STIL: variants seen among roughly 807,000 people sequenced by gnomAD.
STIL encodes the protein SCL-interrupting locus protein.
STIL carries 55 observed loss-of-function variants against 110.1 expected under a neutral mutation model. That is an observed-to-expected ratio of 0.50 (90% CI 0.40 to 0.63). The LOEUF is 0.63. Ranked by LOEUF, STIL falls within the 20% of genes least tolerant of loss-of-function variation. The probability of loss-of-function intolerance (pLI) is 0.00; values close to 1 mark genes in which losing one functional copy is unlikely to be tolerated. For missense variants in STIL, 1,358 were observed against 1,530.0 expected, an observed-to-expected ratio of 0.89 and a Z score of 1.87; for synonymous variants, 481 against 530.0, an observed-to-expected ratio of 0.91 and a Z score of 1.27.
At position 47,254,250 on chromosome 1, in the gene STIL, C is replaced by G. The variant is rs74227931; in HGVS notation, c.3081-2328G>C. On this transcript the variant is annotated intron_variant, in intron 16 of 16. Coordinates refer to ENST00000371877, the MANE Select transcript of STIL (RefSeq NM_001048166.1). ...GTGATGCCATCACCAAACAATGGAACAGTGTGCTCACTAATGCTGGTCTTT... is the reference window on the plus strand; with the variant it reads ...GTGATGCCATCACCAAACAATGGAAGAGTGTGCTCACTAATGCTGGTCTTT... Among the ~76,000 whole-genome samples, 774 of 138,630 alleles carry G rather than the reference C, an allele frequency of 5.6e-3. 2 individuals are homozygous for G. The highest frequency in any genetic ancestry group is 0.033 in the East Asian group (151 of 4,584). The allele number at this position is 138,630 out of a possible 152,430, so 90.9% of individuals were successfully genotyped here. A position where few individuals can be genotyped will look rare whatever the true frequency, so the allele number is the denominator to read the frequency against.
chr1:47,289,079 A>AAC lies in STIL; in HGVS notation c.1023+355_1023+356insGT, dbSNP rs1645398218. 3.0e-5 allele frequency among the ~76,000 whole-genome samples: 4 copies of AAC among 132,534 alleles called. No individual in the cohort carries two copies. The South Asian group carries it at 6.9e-4, about 23-fold the overall frequency. The allele number at this position is 132,534 out of a possible 152,430, so 86.9% of individuals were successfully genotyped here. Reference sequence around the variant, plus strand: ...TCCATCTCAAAAAAAAAAAAAAAAAAAAAAAAACATCAGGACAAAGAAAAG... The same window carrying AAC: ...TCCATCTCAAAAAAAAAAAAAAAAAAACAAAAAAACATCAGGACAAAGAAAAG... On this transcript the variant is annotated intron_variant, in intron 9 of 16. Coordinates refer to ENST00000371877, the MANE Select transcript of STIL (RefSeq NM_001048166.1).
At chr1:47,260,199 T>G in intron 16 of STIL, 90 bp downstream of exon 16, 3 of 1,304,896 alleles carry the variant, frequency 2.3e-6, no homozygotes, top group Non-Finnish European at 3.1e-6. Context: ...ATCTAAAATT[T>G]ATTCATCTAG....
Position 47,257,775 on chromosome 1 carries a change from T to C in STIL, c.3080+2514A>G, listed in dbSNP as rs192622917. On this transcript the variant is annotated intron_variant, in intron 16 of 16. Transcript: ENST00000371877. The stretch of plus-strand genomic sequence containing the variant: ...ATTTCATAGCAGGCATAAAAGATAT[T>C]GACTATCTGTGTCTTCCCCACTGAA... 2.9e-3 allele frequency among the ~76,000 whole-genome samples: 436 copies of C among 152,324 alleles called. 2 individuals carry two copies. Among genetic ancestry groups the C allele is most frequent in the African/African-American group, 9.9e-3 (411 of 41,562 alleles).
intron 3 of STIL, among the ~76,000 whole-genome samples, chr1:47,304,631 T>C (rs2149226147): frequency 6.6e-6 from 1 of 152,338 alleles, no homozygotes; most frequent in Non-Finnish European, 1.5e-5. Flanking sequence ...AAAAACACTT[T>C]CAGTTTTTAC....
chr1:47,306,508 C>T (rs1337545225), intron 2 of STIL, among the ~76,000 whole-genome samples: 1 of 152,172 alleles, frequency 6.6e-6, no homozygotes, highest in African/African-American at 2.4e-5. Flanking sequence ...CCCACCTTGG[C>T]CTCCCAAAGC....
chr1:47,280,646 C>A lies in STIL; in HGVS notation c.1812G>T (p.Arg604Ser). ...GAATATGACTATGATGCTGACAACA[C>A]CTGCAAACGTTTGTGGAACAGTAAG... ...LPSYCSTNVC[R>S]CCQHHSHIQY... is the part of the protein sequence containing the mutation. The change falls in exon 12 of 17, where the codon AGG becomes AGT. Residue 604 changes from arginine (R) to serine (S), a missense_variant. Coordinates refer to ENST00000371877, the MANE Select transcript of STIL (RefSeq NM_001048166.1). 6.2e-7 allele frequency: 1 copy of A among 1,614,194 alleles called. No homozygotes were observed. The highest frequency in any genetic ancestry group is 8.5e-7 in the Non-Finnish European group (1 of 1,180,052).
Position 47,300,243 on chromosome 1 carries a change from A to G in STIL, c.454-91T>C, listed in dbSNP as rs1005223909. 6.5e-6 allele frequency: 8 copies of G among 1,229,344 alleles called. No homozygotes were observed. In the African/African-American group the frequency reaches 9.2e-5, roughly 14 times the overall value. The allele number at this position is 1,229,344 out of a possible 1,614,324, so 76.2% of individuals were successfully genotyped here. On this transcript the variant is annotated intron_variant, in intron 5 of 16. Coordinates refer to ENST00000371877, the MANE Select transcript of STIL (RefSeq NM_001048166.1). ...TTTATACTGATACATATACATATAT[A>G]ATATCTTGCACAAATAAAATTAAAT...
At chr1:47,314,721 G>C (rs926881280), upstream of STIL, among the ~76,000 whole-genome samples, 1 of 140,448 alleles carries the variant, frequency 7.1e-6, no homozygotes, top group Non-Finnish European at 1.5e-5. Context: ...ATCTGTTTTA[G>C]TGACATAATT....
rs1334875825 is a variant in STIL at position 47,272,178 on chromosome 1, C to T, written c.2281G>A (p.Asp761Asn). Residue 761 changes from aspartate to asparagine, a missense_variant, in exon 13 of 17, where the codon GAC (aspartate) becomes AAC (asparagine). Coordinates refer to ENST00000371877, the MANE Select transcript of STIL (RefSeq NM_001048166.1). Reference protein sequence around the residue: ...PCSPKTTAVEDTVQAGRQMEL... With the variant: ...PCSPKTTAVENTVQAGRQMEL... Reference sequence around the variant, plus strand: ...ATTTGTCTTCCAGCTTGCACTGTGTCTTCAACAGCAGTTGTCTTAGGGGAA... The same window carrying T: ...ATTTGTCTTCCAGCTTGCACTGTGTTTTCAACAGCAGTTGTCTTAGGGGAA... The T allele has an allele frequency of 1.1e-5, 17 of 1,614,190 alleles. No homozygotes were observed. The highest frequency in any genetic ancestry group is 1.3e-5 in the Non-Finnish European group (15 of 1,180,030).
chr1:47,302,211 G>T, intron 4 of STIL, 23 bp downstream of exon 4: 1 of 1,553,914 alleles, frequency 6.4e-7, no homozygotes, highest in Non-Finnish European at 8.9e-7. Context: ...GTGAGCACTG[G>T]TCCATTTTTA....
At chr1:47,265,784 A>G (rs12754065) in intron 14 of STIL, among the ~76,000 whole-genome samples, 3 of 34,774 alleles carry the variant, frequency 8.6e-5, no homozygotes, top group Non-Finnish European at 1.9e-4. Flanking sequence ...AGACTGTCTC[A>G]AAAAAAAAAA....
rs370858347 is a variant in STIL at position 47,279,035 on chromosome 1, C to T, written c.2217+1206G>A. The stretch of plus-strand genomic sequence containing the variant: ...ATGTATGGCCGGGCGCGGAGGCTCA[C>T]GCCTGTAATCCCAACACTTTGGGAG... On this transcript the variant is annotated intron_variant, in intron 12 of 16. Coordinates refer to ENST00000371877, the MANE Select transcript of STIL (RefSeq NM_001048166.1). Among the ~76,000 whole-genome samples the T allele has an allele frequency of 1.5e-4, 23 of 152,146 alleles. No homozygotes were observed. In the South Asian group the frequency reaches 3.7e-3, roughly 25 times the overall value.
At chr1:47,293,165 A>C (rs918050085) in intron 8 of STIL, among the ~76,000 whole-genome samples, 3 of 152,200 alleles carry the variant, frequency 2.0e-5, no homozygotes, top group Non-Finnish European at 4.4e-5. Context: ...CTCCTTAATT[A>C]TTAAATAGGA....
At position 47,251,338 on chromosome 1, in the gene STIL, T is replaced by C. The variant is rs756744910; in HGVS notation, c.3665A>G (p.Asn1222Ser). ...GTTCACTGCAGGACTTGGTTTAAGG[T>C]TCTTTACTAAGAAAGCTGGCTTTTC... ...LTEKPAFLVKNLKPSPAVNLR... is the reference protein window; with the variant it reads ...LTEKPAFLVKSLKPSPAVNLR... Residue 1222 changes from asparagine to serine, a missense_variant, in exon 17 of 17, where the codon AAC becomes AGC. Asn to Ser is a conservative substitution (Grantham distance 46). Coordinates refer to ENST00000371877, the MANE Select transcript of STIL (RefSeq NM_001048166.1). 1 of 1,614,168 alleles carries C rather than the reference T, an allele frequency of 6.2e-7. No homozygotes were observed. Among genetic ancestry groups the C allele is most frequent in the Non-Finnish European group, 8.5e-7 (1 of 1,180,012 alleles).
In STIL at chr1:47,251,456, T is replaced by C. The variant is rs1304747508; in HGVS notation, c.3547A>G (p.Asn1183Asp). Reference sequence around the variant, plus strand: ...GCGTTGGTCCCCACAGATTCACAGTTAGAACAATTAATTATTTCATGGTCA... The same window carrying C: ...GCGTTGGTCCCCACAGATTCACAGTCAGAACAATTAATTATTTCATGGTCA... ...KNDHEIINCSNCESVGTNADT... is the reference protein window; with the variant it reads ...KNDHEIINCSDCESVGTNADT... Residue 1183 changes from asparagine (N) to aspartate (D), a missense_variant, in exon 17 of 17, where the codon AAC becomes GAC. Asn to Asp is a conservative substitution (Grantham distance 23). Transcript: ENST00000371877. 1.2e-6 allele frequency: 2 copies of C among 1,614,218 alleles called. No individual in the cohort carries two copies. The highest frequency in any genetic ancestry group is 2.2e-5 in the South Asian group (2 of 91,078).
intron 12 of STIL, among the ~76,000 whole-genome samples, chr1:47,273,252 C>T (rs1016533455): frequency 1.3e-5 from 2 of 152,154 alleles, no homozygotes; most frequent in Non-Finnish European, 2.9e-5. Context: ...TTAAAGTGTA[C>T]AATTCAGTGG....
chr1:47,300,140 G>T lies in STIL; in HGVS notation c.466C>A (p.His156Asn), dbSNP rs760763201. The T allele has an allele frequency of 6.2e-7, 1 of 1,613,626 alleles. No homozygotes were observed. Among genetic ancestry groups the T allele is most frequent in the Non-Finnish European group, 8.5e-7 (1 of 1,179,838 alleles). The change falls in exon 6 of 17, where the codon CAT becomes AAT. Residue 156 changes from histidine to asparagine, a missense_variant. By Grantham distance (68) the His-to-Asn change is moderately conservative (BLOSUM62 1). Transcript: ENST00000371877. ...FSSALKALQC[H>N]ICSKDSLDCG... ...TCCAAGGAATCTTTGCTACATATAT[G>T]GCACTGTAGAGCCTGAGAAATCAAT...
At chr1:47,289,674 A>G in intron 8 of STIL, 89 bp from the exon 9 acceptor site, 1 of 1,299,358 alleles carries the variant, frequency 7.7e-7, no homozygotes, top group Non-Finnish European at 1.1e-6. Flanking sequence ...AATCTAGTTA[A>G]CAAAATGACT....
At chr1:47,303,988 CAG>C (rs1645880471) in intron 3 of STIL, among the ~76,000 whole-genome samples, 2 of 152,020 alleles carry the variant, frequency 1.3e-5, no homozygotes, top group Admixed American at 6.6e-5. Context: ...AATTGCTTTA[CAG>C]AGTCTTATTT....
Sources: allele counts gnomAD v4.1 joint callset (sites outside exome capture counted in the v4.1 genomes callset), GRCh38; gene constraint gnomAD v4.1.1; transcripts MANE v1.5; gene names NCBI Gene and HGNC (gene_info 2026-07-23, HGNC 2026-07-21).